The following SLIT3 variants were observed in gnomAD, a reference collection of about 807,000 sequenced individuals.
SLIT3 encodes slit guidance ligand 3.
In SLIT3, 68 loss-of-function variants were observed where a neutral mutation model predicts 184.0. That is an observed-to-expected ratio of 0.37 (90% confidence interval 0.30 to 0.45). The LOEUF (loss-of-function observed/expected upper bound fraction) is 0.45, where lower values mean the gene tolerates loss of function less well. Among genes scored for constraint, SLIT3 ranks in the 20% least tolerant of loss-of-function variants. SLIT3 has a pLI of 1.00. For missense variants in SLIT3, 1,707 were observed against 2,026.0 expected, an observed-to-expected ratio of 0.84 and a Z score of 3.02; for synonymous variants, 831 against 828.6, an observed-to-expected ratio of 1.00 and a Z score of -0.05.
chr5:169,069,966 AC>A (rs1758485844), intron 4 of SLIT3, among the ~76,000 whole-genome samples: 1 of 152,210 alleles, frequency 6.6e-6, no homozygotes, highest in Non-Finnish European at 1.5e-5. Context: ...AGGTTACTCC[AC>A]GTGCAGTGCA....
At chr5:168,962,995 C>A (rs1427331652) in intron 4 of SLIT3, among the ~76,000 whole-genome samples, 2 of 152,172 alleles carry the variant, frequency 1.3e-5, no homozygotes, top group Non-Finnish European at 2.9e-5. Context: ...CCATTTGTTT[C>A]TTTTATGGCA....
chr5:168,709,743 G>A (rs1486069044), intron 25 of SLIT3, among the ~76,000 whole-genome samples: 3 of 151,966 alleles, frequency 2.0e-5, no homozygotes, highest in Non-Finnish European at 4.4e-5. Flanking sequence ...GAGCAAAAGA[G>A]ATTATCAAAC....
At chr5:168,984,025 G>A (rs1755039506) in intron 4 of SLIT3, among the ~76,000 whole-genome samples, 1 of 151,964 alleles carries the variant, frequency 6.6e-6, no homozygotes, top group African/African-American at 2.4e-5. Context: ...ATTCCAGCCT[G>A]GGTGAGAGAG....
At chr5:168,882,184 C>T (rs112710278) in intron 5 of SLIT3, among the ~76,000 whole-genome samples, 55 of 152,140 alleles carry the variant, frequency 3.6e-4, no homozygotes, top group African/African-American at 1.2e-3. Flanking sequence ...TTTTTTAAGC[C>T]TCCCTTAAGA....
chr5:168,887,364 C>A (rs1415853141), intron 4 of SLIT3, among the ~76,000 whole-genome samples: 2 of 152,114 alleles, frequency 1.3e-5, no homozygotes, highest in Non-Finnish European at 2.9e-5. Flanking sequence ...TCCGAAGCTA[C>A]AAAATGGGGT....
At chr5:169,098,001 T>C (rs1561663120) in intron 4 of SLIT3, among the ~76,000 whole-genome samples, 1 of 152,212 alleles carries the variant, frequency 6.6e-6, no homozygotes, top group African/African-American at 2.4e-5. Flanking sequence ...TAAAATATAC[T>C]TGACAAGTGC....
At chr5:168,840,852 G>C (rs181986962) in intron 6 of SLIT3, among the ~76,000 whole-genome samples, 4 of 152,322 alleles carry the variant, frequency 2.6e-5, no homozygotes, top group African/African-American at 9.6e-5. Context: ...GAGTGCCAAA[G>C]TCTATGGCAA....
chr5:168,990,062 C>A (rs1336167813), intron 4 of SLIT3, among the ~76,000 whole-genome samples: 1 of 152,200 alleles, frequency 6.6e-6, no homozygotes, highest in Non-Finnish European at 1.5e-5. Flanking sequence ...GCCAAGCTGG[C>A]AGATTCCTAG....
At chr5:168,923,420 C>G (rs1327141632) in intron 4 of SLIT3, among the ~76,000 whole-genome samples, 1 of 152,106 alleles carries the variant, frequency 6.6e-6, no homozygotes, top group African/African-American at 2.4e-5. Flanking sequence ...AACTGGGCTA[C>G]TCAAATCCCT....
chr5:169,263,719 C>T (rs781101814), intron 1 of SLIT3: 2 of 509,726 alleles, frequency 3.9e-6, no homozygotes, highest in East Asian at 1.4e-4. Flanking sequence ...CCTCCCCCAG[C>T]TGCTCCATCT....
At chr5:168,723,972 T>C (rs1172408485) in intron 21 of SLIT3, among the ~76,000 whole-genome samples, 1 of 152,200 alleles carries the variant, frequency 6.6e-6, no homozygotes, top group Non-Finnish European at 1.5e-5. Context: ...TGGCAAGGTC[T>C]GAAGACATTT....
At chr5:168,966,348 T>A (rs79462898) in intron 4 of SLIT3, among the ~76,000 whole-genome samples, 6 of 151,418 alleles carry the variant, frequency 4.0e-5, no homozygotes, top group African/African-American at 9.7e-5. Flanking sequence ...TTTTTTTTTT[T>A]AATTTTAGAA....
chr5:169,210,141 T>C (rs552318806), intron 3 of SLIT3, among the ~76,000 whole-genome samples: 1 of 152,002 alleles, frequency 6.6e-6, no homozygotes. Flanking sequence ...CTATGGCAGA[T>C]AGCTACCCAG....
chr5:168,694,033 T>A (rs958006868), intron 28 of SLIT3, among the ~76,000 whole-genome samples: 15 of 152,270 alleles, frequency 9.9e-5, no homozygotes, highest in African/African-American at 3.6e-4. Flanking sequence ...AGTTGACACT[T>A]CCTAGCTGCT....
intron 12 of SLIT3, among the ~76,000 whole-genome samples, chr5:168,778,358 A>G (rs1755835244): frequency 6.6e-6 from 1 of 152,222 alleles, no homozygotes; most frequent in Non-Finnish European, 1.5e-5. Flanking sequence ...TCTCTTATCT[A>G]CTATTTAAAG....
chr5:168,761,325 TA>T (rs145432247), intron 15 of SLIT3, among the ~76,000 whole-genome samples: 2,096 of 152,262 alleles, frequency 0.014, 22 homozygotes, highest in Non-Finnish European at 0.021. Flanking sequence ...AGCTCCTTCC[TA>T]AGCACTTCCC....
At chr5:168,926,091 C>A (rs1001072035) in intron 4 of SLIT3, among the ~76,000 whole-genome samples, 1 of 148,516 alleles carries the variant, frequency 6.7e-6, no homozygotes, top group Non-Finnish European at 1.5e-5. Flanking sequence ...CAAAAAACTA[C>A]AAGCTATGGT....
At chr5:168,989,455 G>C (rs1298652858) in intron 4 of SLIT3, among the ~76,000 whole-genome samples, 1 of 152,206 alleles carries the variant, frequency 6.6e-6, no homozygotes, top group Non-Finnish European at 1.5e-5. Context: ...GGTGGGATTT[G>C]CCACACTTGT....
At chr5:168,681,452 C>T (rs559118463) in intron 32 of SLIT3, among the ~76,000 whole-genome samples, 35 of 152,292 alleles carry the variant, frequency 2.3e-4, no homozygotes, top group Middle Eastern at 3.4e-3. Flanking sequence ...ATTGCTAGAG[C>T]CTTGGGCCCC....
Sources: allele counts gnomAD v4.1 joint callset (sites outside exome capture counted in the v4.1 genomes callset), GRCh38; gene constraint gnomAD v4.1.1; transcripts MANE v1.5; gene names NCBI Gene and HGNC (gene_info 2026-07-23, HGNC 2026-07-21).